ARFGAP2: variants seen among roughly 807,000 people sequenced by gnomAD.
ARFGAP2 encodes ADP-ribosylation factor GTPase-activating protein 2.
Under a neutral mutation model 71.9 loss-of-function variants are expected in ARFGAP2, and 45 were observed. That is an observed-to-expected ratio of 0.63 (90% CI 0.49 to 0.80). ARFGAP2 has a LOEUF of 0.80. Among genes scored for constraint, ARFGAP2 ranks in the 30% least tolerant of loss-of-function variants. ARFGAP2 has a pLI of 0.00. For synonymous variants in ARFGAP2, 248 were observed against 249.2 expected (o/e 1.00, Z 0.05); for missense variants, 633 against 673.9 (o/e 0.94, Z 0.67).
intron 8 of ARFGAP2, 120 bp from the exon 9 acceptor site, chr11:47,171,920 A>T: frequency 2.8e-6 from 4 of 1,408,790 alleles, no homozygotes; most frequent in Non-Finnish European, 3.8e-6. Flanking sequence ...AGGGTAAAAA[A>T]CAGGAGCCCA....
At chr11:47,173,920 T>C (rs1292265949) in intron 5 of ARFGAP2, 80 bp from the exon 6 acceptor site, 3 of 1,544,146 alleles carry the variant, frequency 1.9e-6, no homozygotes, top group Admixed American at 2.0e-5. Flanking sequence ...AAGCACCTTG[T>C]GGACAAGAAA....
Position 47,171,675 on chromosome 11 carries a change from C to A in ARFGAP2, c.798G>T (p.Ala266=), listed in dbSNP as rs34580829. ...EQQAADAKKQ[A]EESMVASMRL... is the part of the protein sequence containing the mutation. ...CAGCAAACACTTACATGGACTCCTC[C>A]GCCTGCTTCTTGGCATCGGCTGCCT... is the stretch of plus-strand genomic sequence containing the variant. The change falls in exon 9 of 16, where the codon GCG becomes GCT. Residue 266 remains alanine (A), a synonymous_variant. Coordinates refer to ENST00000524782, the MANE Select transcript of ARFGAP2 (RefSeq NM_032389.6). 4 of 1,613,636 alleles carry A rather than the reference C, an allele frequency of 2.5e-6. No individual in the cohort carries two copies. The highest frequency in any genetic ancestry group is 3.4e-6 in the Non-Finnish European group (4 of 1,180,054).
intron 7 of ARFGAP2, chr11:47,173,147 G>A: frequency 2.1e-6 from 1 of 477,262 alleles, no homozygotes; most frequent in Middle Eastern, 5.1e-4. Context: ...CCAGTCTCAT[G>A]CTGGCCTCCC....
chr11:47,172,626 G>C (rs1565129350), intron 7 of ARFGAP2: 2 of 1,318,288 alleles, frequency 1.5e-6, no homozygotes, highest in Admixed American at 2.2e-5. Flanking sequence ...TGCGAGGCAG[G>C]GAGCATATGG....
chr11:47,172,764 C>G (rs749034025), intron 7 of ARFGAP2: 3 of 1,292,374 alleles, frequency 2.3e-6, no homozygotes, highest in South Asian at 1.2e-5. Context: ...GGAGGAGAAA[C>G]AGACTTGTGG....
At chr11:47,167,216 C>T (rs1279267247) in intron 12 of ARFGAP2, among the ~76,000 whole-genome samples, 1 of 152,184 alleles carries the variant, frequency 6.6e-6, no homozygotes, top group Non-Finnish European at 1.5e-5. Context: ...GACAACTTGC[C>T]TAGTACTACA....
At chr11:47,175,771 G>C (rs1490620356) in intron 3 of ARFGAP2, 80 bp downstream of exon 3, 2 of 1,545,816 alleles carry the variant, frequency 1.3e-6, no homozygotes, top group Middle Eastern at 1.7e-4. Context: ...CAGGGAAAAC[G>C]ACAGGGCCTC....
At chr11:47,171,387 C>T (rs1236782953) in intron 10 of ARFGAP2, 39 bp downstream of exon 10, 8 of 1,609,682 alleles carry the variant, frequency 5.0e-6, no homozygotes, top group Admixed American at 1.7e-5. Context: ...TCCCAGAAAA[C>T]AACGGCATTT....
At position 47,176,643 on chromosome 11, in the gene ARFGAP2, A is replaced by C; in HGVS notation, c.73-9T>G. On this transcript the variant is annotated splice_polypyrimidine_tract_variant and intron_variant, in intron 1 of 15. Transcript: ENST00000524782. Reference sequence around the variant, plus strand: ...CCGCAGTCGAAACAGGCCTGGGTGGAGGCGGCGATGAGCGAATCGTCAGGG... The same window carrying C: ...CCGCAGTCGAAACAGGCCTGGGTGGCGGCGGCGATGAGCGAATCGTCAGGG... The C allele has an allele frequency of 6.2e-7, 1 of 1,613,928 alleles. No individual in the cohort carries two copies. Among genetic ancestry groups the C allele is most frequent in the Non-Finnish European group, 8.5e-7 (1 of 1,179,948 alleles).
chr11:47,173,757 A>G lies in ARFGAP2; in HGVS notation c.562+2T>C. The G allele has an allele frequency of 6.3e-7, 1 of 1,597,992 alleles. No homozygotes were observed. The highest frequency in any genetic ancestry group is 8.5e-7 in the Non-Finnish European group (1 of 1,172,034). ...CCTGGTTGGAATCTGGGCTGAACTCACGTGCCAGGCCACTGCTCTCTGTAG... is the reference window on the plus strand; with the variant it reads ...CCTGGTTGGAATCTGGGCTGAACTCGCGTGCCAGGCCACTGCTCTCTGTAG... On this transcript the variant is annotated splice_donor_variant, in intron 6 of 15. Transcript: ENST00000524782. LOFTEE classifies it high-confidence loss of function.
At chr11:47,174,828 A>G in intron 5 of ARFGAP2, 187 bp downstream of exon 5, 1 of 670,616 alleles carries the variant, frequency 1.5e-6, no homozygotes, top group Admixed American at 2.4e-5. Flanking sequence ...GGAGGGCTAC[A>G]CTGCACCTCC....
At chr11:47,172,780 A>T in intron 7 of ARFGAP2, 2 of 1,291,530 alleles carry the variant, frequency 1.5e-6, no homozygotes, top group Non-Finnish European at 2.0e-6. Context: ...TGTGGCTAAC[A>T]AGAGGCCCAC....
rs182918142 is a variant in ARFGAP2, at chr11:47,166,905, A to C, written c.1206-19T>G. On this transcript the variant is annotated intron_variant, in intron 12 of 15. Transcript: ENST00000524782. ...TGTGGCTCTGAGGGGAAGATGTGGA[A>C]TATCTCGGACTCCTCCCATTATCAT... 3 of 1,610,466 alleles carry C rather than the reference A, an allele frequency of 1.9e-6. No homozygotes were observed. The South Asian group carries it at 3.3e-5, about 18-fold the overall frequency.
chr11:47,173,568 G>A, intron 6 of ARFGAP2, 86 bp from the exon 7 acceptor site: 3 of 1,460,426 alleles, frequency 2.1e-6, no homozygotes, highest in South Asian at 2.7e-5. Flanking sequence ...AAGAATCGGT[G>A]GCTTTCCTCA....
At chr11:47,173,192 G>T in intron 7 of ARFGAP2, 1 of 557,610 alleles carries the variant, frequency 1.8e-6, no homozygotes, top group South Asian at 2.0e-5. Context: ...CACACTCAGA[G>T]GCAGACCCCA....
chr11:47,171,231 TTCAG>T (rs1489011633), intron 10 of ARFGAP2, among the ~76,000 whole-genome samples, 191 bp downstream of exon 10: 1 of 152,232 alleles, frequency 6.6e-6, no homozygotes, highest in Non-Finnish European at 1.5e-5. Flanking sequence ...CACATACCTA[TTCAG>T]TCATTCAACT....
intron 7 of ARFGAP2, chr11:47,172,949 G>A (rs1308492689): frequency 5.3e-6 from 2 of 380,426 alleles, no homozygotes; most frequent in South Asian, 2.1e-5. Flanking sequence ...GTCAGCAAAT[G>A]GACTGTTCGC....
chr11:47,171,597 T>G (rs746249025), intron 9 of ARFGAP2, 40 bp from the exon 10 acceptor site: 12 of 1,614,110 alleles, frequency 7.4e-6, no homozygotes, highest in Non-Finnish European at 1.0e-5. Flanking sequence ...CCACCCATCC[T>G]GACCTGTCCA....
intron 1 of ARFGAP2, 72 bp downstream of exon 1, chr11:47,176,710 C>T (rs756417760): frequency 6.2e-7 from 1 of 1,611,366 alleles, no homozygotes; most frequent in Non-Finnish European, 8.5e-7. Context: ...AGAAACATAA[C>T]CCACCTCCGC....
Sources: allele counts gnomAD v4.1 joint callset (sites outside exome capture counted in the v4.1 genomes callset), GRCh38; gene constraint gnomAD v4.1.1; transcripts MANE v1.5; gene names NCBI Gene and HGNC (gene_info 2026-07-23, HGNC 2026-07-21).